Variants in SUCLA2 observed in about 807,000 individuals in gnomAD.
The protein encoded by SUCLA2 is succinate-CoA ligase ADP-forming subunit beta.
Under a neutral mutation model 54.8 loss-of-function variants are expected in SUCLA2, and 30 were observed. That is an observed-to-expected ratio of 0.55 (90% CI 0.41 to 0.74). The LOEUF is 0.74. SUCLA2 is among the 30% of genes least tolerant of loss of function. SUCLA2 has a pLI of 0.00. For missense variants in SUCLA2, 476 were observed against 562.9 expected (o/e 0.85, Z 1.56); for synonymous variants, 172 against 188.9 (o/e 0.91, Z 0.74).
chr13:47,969,105 G>A (rs975093295), intron 5 of SUCLA2, among the ~76,000 whole-genome samples: 6 of 152,140 alleles, frequency 3.9e-5, no homozygotes, highest in African/African-American at 1.4e-4. Flanking sequence ...GGGCACAGTG[G>A]CTCACACCTG....
At chr13:47,945,551 T>A (rs569005673) in intron 10 of SUCLA2, among the ~76,000 whole-genome samples, 180 of 152,108 alleles carry the variant, frequency 1.2e-3, no homozygotes, top group Middle Eastern at 3.4e-3. Context: ...CTCATCTCTC[T>A]GTATCTACTA....
intron 2 of SUCLA2, among the ~76,000 whole-genome samples, chr13:47,992,453 A>G (rs1056153507): frequency 2.6e-5 from 4 of 152,180 alleles, no homozygotes; most frequent in Admixed American, 6.5e-5. Flanking sequence ...AGAAAGGAAG[A>G]AAGATTAGAA....
rs886050263 is a variant in SUCLA2 at position 47,968,591 on chromosome 13, T to C, written c.802+4A>G. 6.2e-7 allele frequency: 1 copy of C among 1,611,508 alleles called. No homozygotes were observed. Among genetic ancestry groups the C allele is most frequent in the Non-Finnish European group, 8.5e-7 (1 of 1,179,656 alleles). ...ATCATGTTAGACAAAAGAAGATACT[T>C]TACCAGCTCCATCTGAATCTTCCAC... On this transcript the variant is annotated splice_donor_region_variant and intron_variant, in intron 6 of 10. Transcript: ENST00000646932.
chr13:47,954,955 T>G (rs1858826693), intron 6 of SUCLA2, among the ~76,000 whole-genome samples: 1 of 152,102 alleles, frequency 6.6e-6, no homozygotes, highest in Non-Finnish European at 1.5e-5. Context: ...ATTATAAATC[T>G]GCCTCCCCCC....
intron 4 of SUCLA2, 69 bp downstream of exon 4, chr13:47,988,472 A>G (rs1428120663): frequency 1.2e-5 from 19 of 1,545,310 alleles, no homozygotes; most frequent in Middle Eastern, 1.7e-4. Context: ...ATAAATAGAA[A>G]CAATAATGGA....
At chr13:47,993,826 G>A (rs967567261) in intron 2 of SUCLA2, among the ~76,000 whole-genome samples, 1 of 151,970 alleles carries the variant, frequency 6.6e-6, no homozygotes, top group Non-Finnish European at 1.5e-5. Flanking sequence ...ACCTGAGGTC[G>A]GGAGTTTAAG....
intron 8 of SUCLA2, 104 bp from the exon 9 acceptor site, chr13:47,949,707 G>T: frequency 8.0e-7 from 1 of 1,257,058 alleles, no homozygotes; most frequent in Non-Finnish European, 1.1e-6. Flanking sequence ...TAACTTGATA[G>T]AAAGATTTTC....
chr13:47,969,245 C>T (rs1949942455), intron 5 of SUCLA2, among the ~76,000 whole-genome samples: 1 of 151,952 alleles, frequency 6.6e-6, no homozygotes, highest in African/African-American at 2.4e-5. Context: ...CCCTTATGGT[C>T]CAAAGAAAAG....
At chr13:47,985,088 C>G (rs939074051) in intron 4 of SUCLA2, among the ~76,000 whole-genome samples, 1 of 152,102 alleles carries the variant, frequency 6.6e-6, no homozygotes, top group Admixed American at 6.5e-5. Flanking sequence ...GCAAGCCAAC[C>G]CCATAGAAGT....
At chr13:47,997,142 C>T (rs1252930676) in intron 1 of SUCLA2, 119 bp from the exon 2 acceptor site, 1 of 1,037,558 alleles carries the variant, frequency 9.6e-7, no homozygotes, top group Non-Finnish European at 1.5e-6. Context: ...GTACAATATT[C>T]AGAGTACCTG....
intron 6 of SUCLA2, chr13:47,965,515 A>AC (rs1949911067): frequency 2.6e-6 from 1 of 382,988 alleles, no homozygotes. Flanking sequence ...AAACAAACAA[A>AC]CAAAAAAAAA....
At chr13:47,994,015 G>T (rs1336834992) in intron 2 of SUCLA2, among the ~76,000 whole-genome samples, 1 of 147,678 alleles carries the variant, frequency 6.8e-6, no homozygotes, top group Non-Finnish European at 1.5e-5. Context: ...CTGAGATGGC[G>T]CCATTGCACT....
chr13:47,972,467 G>A (rs1451946387), intron 5 of SUCLA2, among the ~76,000 whole-genome samples: 1 of 151,640 alleles, frequency 6.6e-6, no homozygotes, highest in Non-Finnish European at 1.5e-5. Context: ...TCAGGAGTTC[G>A]AGACCAACCT....
intron 1 of SUCLA2, among the ~76,000 whole-genome samples, chr13:48,000,607 C>G (rs1950222466): frequency 1.3e-5 from 2 of 152,188 alleles, no homozygotes; most frequent in African/African-American, 4.8e-5. Flanking sequence ...TATTTTCTTA[C>G]CTCTCCAACT....
rs148245730 is a variant in SUCLA2 at position 47,947,631 on chromosome 13, G to A, written c.1317+1309C>T. ...CCACAAAAAGATTAACATTGTATAC[G>A]TTTTGATGAAATTAAACACCTACTA... On this transcript the variant is annotated intron_variant, in intron 10 of 10. Transcript: ENST00000646932. Among the ~76,000 whole-genome samples, 134 of 152,240 alleles carry A rather than the reference G, an allele frequency of 8.8e-4. 2 individuals carry two copies. In the East Asian group the frequency reaches 0.023, roughly 27 times the overall value.
chr13:47,986,529 CAGA>C (rs1950106233), intron 4 of SUCLA2, among the ~76,000 whole-genome samples: 1 of 152,202 alleles, frequency 6.6e-6, no homozygotes, highest in African/African-American at 2.4e-5. Context: ...CTTTGCTGTG[CAGA>C]AGCTCTTTAG....
At chr13:47,974,943 TA>T (rs1181644121) in intron 4 of SUCLA2, among the ~76,000 whole-genome samples, 2 of 152,174 alleles carry the variant, frequency 1.3e-5, no homozygotes, top group Admixed American at 1.3e-4. Flanking sequence ...TCAATTGTAT[TA>T]TTTTTTAACA....
At chr13:47,943,760 G>A (rs71428263) in intron 10 of SUCLA2, among the ~76,000 whole-genome samples, 89,530 of 128,806 alleles carry the variant, frequency 0.7, 28,994 homozygotes, top group East Asian at 0.82. Context: ...GTGTGTGTGT[G>A]TGTGTGTATA....
At chr13:47,958,690 GAA>G (rs958372926) in intron 6 of SUCLA2, among the ~76,000 whole-genome samples, 10 of 152,128 alleles carry the variant, frequency 6.6e-5, no homozygotes, top group African/African-American at 2.4e-4. Flanking sequence ...CAAATTTTTT[GAA>G]AAGAGTAATT....
Sources: allele counts gnomAD v4.1 joint callset (sites outside exome capture counted in the v4.1 genomes callset), GRCh38; gene constraint gnomAD v4.1.1; transcripts MANE v1.5; gene names NCBI Gene and HGNC (gene_info 2026-07-23, HGNC 2026-07-21).